NKAIN2: variants seen among roughly 807,000 people sequenced by gnomAD.
NKAIN2 encodes the protein sodium/potassium transporting ATPase interacting 2.
NKAIN2 carries 14 observed loss-of-function variants against 32.6 expected under a neutral mutation model. The ratio of observed to expected loss-of-function variants is 0.43; its 90% CI spans 0.28 to 0.67. The LOEUF (loss-of-function observed/expected upper bound fraction) is 0.67, where lower values mean the gene tolerates loss of function less well. NKAIN2 is among the 30% of genes least tolerant of loss of function. The pLI is 0.17. For missense variants in NKAIN2, 198 were observed against 258.3 expected (o/e 0.77, Z 1.60); for synonymous variants, 80 against 87.2 (o/e 0.92, Z 0.46).
At chr6:124,697,979 C>T (rs1774583455) in intron 4 of NKAIN2, among the ~76,000 whole-genome samples, 1 of 152,126 alleles carries the variant, frequency 6.6e-6, no homozygotes, top group Non-Finnish European at 1.5e-5. Flanking sequence ...TCCCTGACTT[C>T]ATTACAAGTA....
At chr6:124,477,475 A>G (rs1777265529) in intron 3 of NKAIN2, among the ~76,000 whole-genome samples, 1 of 152,062 alleles carries the variant, frequency 6.6e-6, no homozygotes. Context: ...ACCTGTGAGA[A>G]CCAAAAACCT....
intron 3 of NKAIN2, among the ~76,000 whole-genome samples, chr6:124,652,724 A>G (rs1784407999): frequency 6.6e-6 from 1 of 152,150 alleles, no homozygotes; most frequent in South Asian, 2.1e-4. Context: ...GGGCACAGAG[A>G]GTGCAAGAGA....
intron 1 of NKAIN2, among the ~76,000 whole-genome samples, chr6:123,958,668 T>A (rs532816820): frequency 6.6e-6 from 1 of 152,352 alleles, no homozygotes; most frequent in African/African-American, 2.4e-5. Flanking sequence ...ACACAAACAC[T>A]CAGACCGTAA....
At chr6:124,547,000 A>C (rs1780118200) in intron 3 of NKAIN2, among the ~76,000 whole-genome samples, 1 of 152,210 alleles carries the variant, frequency 6.6e-6, no homozygotes, top group Non-Finnish European at 1.5e-5. Context: ...TGGGCAAGTC[A>C]GGTAAACTCA....
chr6:124,739,136 C>T (rs1185662572), intron 4 of NKAIN2, among the ~76,000 whole-genome samples: 1 of 151,766 alleles, frequency 6.6e-6, no homozygotes, highest in African/African-American at 2.4e-5. Context: ...TTTAAATATT[C>T]AAAGTTGATT....
rs1785560118 is a variant in NKAIN2 at position 124,115,346 on chromosome 6, A to G, written c.55-167659A>G. On this transcript the variant is annotated intron_variant, in intron 1 of 6. Transcript: ENST00000368417. The stretch of plus-strand genomic sequence containing the variant: ...AGAAAGGCTGCTCCTCTTTACAAGC[A>G]TAGGTCAGCCACACCTTAAATGTCA... Among the ~76,000 whole-genome samples, 4 of 152,286 alleles carry G rather than the reference A, an allele frequency of 2.6e-5. No individual in the cohort carries two copies. The South Asian group carries it at 8.3e-4, about 32-fold the overall frequency.
intron 1 of NKAIN2, among the ~76,000 whole-genome samples, chr6:124,166,774 A>G (rs1788566319): frequency 6.7e-6 from 1 of 150,346 alleles, no homozygotes; most frequent in Admixed American, 6.6e-5. Flanking sequence ...TTAAATAGGG[A>G]ATCCTTTCCC....
chr6:124,682,611 G>A (rs956811902), intron 4 of NKAIN2, among the ~76,000 whole-genome samples: 4 of 151,968 alleles, frequency 2.6e-5, no homozygotes, highest in Non-Finnish European at 4.4e-5. Flanking sequence ...ACTTCAATCC[G>A]GAAGGAAAAT....
chr6:124,733,697 T>C (rs1776795926), intron 4 of NKAIN2, among the ~76,000 whole-genome samples: 3 of 151,790 alleles, frequency 2.0e-5, no homozygotes, highest in Admixed American at 2.0e-4. Context: ...TGGATTAGAA[T>C]TGGGGACATT....
intron 1 of NKAIN2, among the ~76,000 whole-genome samples, chr6:123,893,582 C>T (rs1414496254): frequency 6.6e-6 from 1 of 152,140 alleles, no homozygotes; most frequent in Non-Finnish European, 1.5e-5. Context: ...AGGATTAGGC[C>T]ATTGAGGCAA....
At chr6:124,711,602 T>A (rs1328943131) in intron 4 of NKAIN2, among the ~76,000 whole-genome samples, 2 of 150,970 alleles carry the variant, frequency 1.3e-5, no homozygotes. Context: ...TTCTTCCAGT[T>A]GATCGCATCG....
In NKAIN2 at chr6:124,392,720, T is replaced by G. The variant is rs115862184; in HGVS notation, c.273+37373T>G. ...ATACAATTCTTCCTTCTATTGATTT[T>G]TGAAGGGTAGAACAATTTAAAAGTT... On this transcript the variant is annotated intron_variant, in intron 3 of 6. Coordinates refer to ENST00000368417, the MANE Select transcript of NKAIN2 (RefSeq NM_001040214.3). Among the ~76,000 whole-genome samples the G allele has an allele frequency of 2.6e-3, 391 of 152,298 alleles. 1 individual carries two copies. Among genetic ancestry groups the G allele is most frequent in the African/African-American group, 9.1e-3 (379 of 41,574 alleles).
At chr6:123,942,293 A>G (rs1051770691) in intron 1 of NKAIN2, among the ~76,000 whole-genome samples, 2 of 152,056 alleles carry the variant, frequency 1.3e-5, no homozygotes, top group Non-Finnish European at 2.9e-5. Context: ...CTAATAGAAT[A>G]ATACGTAATA....
chr6:124,261,865 AC>A (rs61259821), intron 1 of NKAIN2, among the ~76,000 whole-genome samples: 15,624 of 96,680 alleles, frequency 0.16, 2,002 homozygotes, highest in African/African-American at 0.43. Flanking sequence ...TCCATCTCAC[AC>A]AAAAAAAAAA....
chr6:124,438,951 C>T (rs1314073562), intron 3 of NKAIN2, among the ~76,000 whole-genome samples: 1 of 152,130 alleles, frequency 6.6e-6, no homozygotes, highest in Non-Finnish European at 1.5e-5. Flanking sequence ...CTAGGCCTTC[C>T]TTTATTCACA....
At chr6:124,655,485 C>A (rs939176813) in intron 3 of NKAIN2, among the ~76,000 whole-genome samples, 5 of 152,084 alleles carry the variant, frequency 3.3e-5, no homozygotes, top group Non-Finnish European at 7.4e-5. Context: ...TAGTGGCCAA[C>A]AAACTCAACT....
chr6:124,112,995 G>T (rs1311625433), intron 1 of NKAIN2, among the ~76,000 whole-genome samples: 1 of 151,806 alleles, frequency 6.6e-6, no homozygotes, highest in South Asian at 2.1e-4. Context: ...TTAATTCATT[G>T]TCAGGTTAAC....
chr6:124,529,435 A>G (rs1254246659), intron 3 of NKAIN2, among the ~76,000 whole-genome samples: 2 of 152,178 alleles, frequency 1.3e-5, no homozygotes, highest in Admixed American at 1.3e-4. Flanking sequence ...TCTCTTTCTC[A>G]GTAGTCACAG....
At chr6:124,722,571 C>G (rs1562345462) in intron 4 of NKAIN2, among the ~76,000 whole-genome samples, 1 of 152,194 alleles carries the variant, frequency 6.6e-6, no homozygotes, top group Non-Finnish European at 1.5e-5. Flanking sequence ...CATCGCAGTT[C>G]ACTATAGGGT....
Sources: allele counts gnomAD v4.1 joint callset (sites outside exome capture counted in the v4.1 genomes callset), GRCh38; gene constraint gnomAD v4.1.1; transcripts MANE v1.5; gene names NCBI Gene and HGNC (gene_info 2026-07-23, HGNC 2026-07-21).